The following ZNF597 variants were observed in gnomAD, a reference collection of about 807,000 sequenced individuals.
The protein encoded by ZNF597 is zinc finger protein 597.
Under a neutral mutation model 7.3 loss-of-function variants are expected in ZNF597, and 5 were observed. The observed-to-expected ratio is 0.68, with a 90% CI of 0.36 to 1.44. The LOEUF (loss-of-function observed/expected upper bound fraction) is 1.44. Among genes scored for constraint, ZNF597 ranks in the 40% most tolerant of loss-of-function variants. ZNF597 has a pLI of 0.04. For missense variants in ZNF597, 585 were observed against 517.9 expected (o/e 1.13, Z -1.26); for synonymous variants, 209 against 185.4 (o/e 1.13, Z -1.04).
rs1222317471 is a variant in ZNF597, at chr16:3,437,319, G to C, written c.380C>G (p.Thr127Ser). Reference sequence around the variant, plus strand: ...ATATTCAGAGAGTTCTACTAATGGGGTGTGGTTTTCAATGGTAACTAAAAG... The same window carrying C: ...ATATTCAGAGAGTTCTACTAATGGGCTGTGGTTTTCAATGGTAACTAAAAG... ...ISLLVTIENH[T>S]PLVELSEYLG... Residue 127 changes from threonine to serine, a missense_variant, in exon 4 of 4, where the codon ACC becomes AGC. Transcript: ENST00000301744. 6.2e-7 allele frequency: 1 copy of C among 1,614,046 alleles called. No individual in the cohort carries two copies. The highest frequency in any genetic ancestry group is 8.5e-7 in the Non-Finnish European group (1 of 1,180,030).
intron 2 of ZNF597, among the ~76,000 whole-genome samples, chr16:3,442,639 C>G (rs1018132447): frequency 6.6e-6 from 1 of 150,594 alleles, no homozygotes; most frequent in African/African-American, 2.5e-5. Context: ...CGCGCCACTG[C>G]ACTCCAGCCT....
chr16:3,443,402 C>T lies in ZNF597; in HGVS notation c.-96G>A. On this transcript the variant is annotated 5_prime_UTR_variant, in exon 1 of 4. Coordinates refer to ENST00000301744, the MANE Select transcript of ZNF597 (RefSeq NM_152457.3). ...CAGGCCTCGCGCTCCCTGACAGGAG[C>T]TGCAGAAAGCGACGCCCGACCGAGA... is the stretch of plus-strand genomic sequence containing the variant. 6 of 537,386 alleles carry T rather than the reference C, an allele frequency of 1.1e-5. No homozygotes were observed. The highest frequency in any genetic ancestry group is 6.5e-6 in the Non-Finnish European group (2 of 308,544). 33.3% of individuals were successfully genotyped at this position (537,386 alleles called of 1,614,324 possible).
At chr16:3,441,296 C>T (rs960444968) in intron 2 of ZNF597, among the ~76,000 whole-genome samples, 5 of 152,074 alleles carry the variant, frequency 3.3e-5, no homozygotes, top group African/African-American at 7.2e-5. Context: ...GCCTGTAATC[C>T]CAACACTTTG....
chr16:3,441,062 G>A, intron 2 of ZNF597, 129 bp from the exon 3 acceptor site: 1 of 1,361,558 alleles, frequency 7.3e-7, no homozygotes, highest in Non-Finnish European at 9.8e-7. Flanking sequence ...AGGTTCTTGA[G>A]CGCAGAAGTA....
chr16:3,436,736 G>A lies in ZNF597; in HGVS notation c.963C>T (p.Asp321=), dbSNP rs34461484. The A allele has an allele frequency of 3.5e-3, 5,571 of 1,614,038 alleles. 129 individuals are homozygous for A. The African/African-American group carries it at 0.056, about 16-fold the overall frequency. Residue 321 remains aspartate (D), a synonymous_variant, in exon 4 of 4, where the codon GAC becomes GAT. Coordinates refer to ENST00000301744, the MANE Select transcript of ZNF597 (RefSeq NM_152457.3). ...PALSEKSHDE[D]SERCSDDGDN... is the part of the protein sequence containing the mutation. ...CCCCATCATCGCTGCAGCGTTCAGA[G>A]TCCTCGTCGTGGCTCTTCTCGGAAA...
In ZNF597 at chr16:3,432,540, C is replaced by T. The variant is rs1432531197; in HGVS notation, c.*3884G>A. 4 of 152,144 alleles carry T rather than the reference C, an allele frequency of 2.6e-5. No homozygotes were observed. Among genetic ancestry groups the T allele is most frequent in the African/African-American group, 9.7e-5 (4 of 41,424 alleles). The allele number at this position is 152,144 out of a possible 1,614,324, so 9.4% of individuals were successfully genotyped here. On this transcript the variant is annotated 3_prime_UTR_variant, in exon 4 of 4. Coordinates refer to ENST00000301744, the MANE Select transcript of ZNF597 (RefSeq NM_152457.3). ...ACGTCAAAAAGAGTAAGACCCAAAA[C>T]ATTGAATAAACAGTATAAGTGTATA...
At chr16:3,440,759 T>C in intron 3 of ZNF597, 48 bp downstream of exon 3, 1 of 1,608,360 alleles carries the variant, frequency 6.2e-7, no homozygotes, top group Non-Finnish European at 8.5e-7. Context: ...GAAGTTCTCC[T>C]CCTAGAATTG....
In ZNF597 at chr16:3,434,422, T is replaced by G. The variant is rs1212424606; in HGVS notation, c.*2002A>C. On this transcript the variant is annotated 3_prime_UTR_variant, in exon 4 of 4. Transcript: ENST00000301744. Reference sequence around the variant, plus strand: ...ACTGGAGACTATCTTTCTACACATTTCAAAGCACCTCAGAGAAACCTGGAA... The same window carrying G: ...ACTGGAGACTATCTTTCTACACATTGCAAAGCACCTCAGAGAAACCTGGAA... 1.3e-5 allele frequency: 2 copies of G among 152,218 alleles called. No homozygotes were observed. Among genetic ancestry groups the G allele is most frequent in the Non-Finnish European group, 2.9e-5 (2 of 68,034 alleles). The allele number at this position is 152,218 out of a possible 1,614,324, so 9.4% of individuals were successfully genotyped here. A position where few individuals can be genotyped will look rare whatever the true frequency, so the allele number is the denominator to read the frequency against.
intron 1 of ZNF597, 44 bp downstream of exon 1, chr16:3,443,316 G>A (rs1286499409): frequency 4.7e-6 from 3 of 641,918 alleles, no homozygotes; most frequent in Non-Finnish European, 7.5e-6. Context: ...AACCTACGCC[G>A]ACTGCTCCTC....
chr16:3,436,126 C>A lies in ZNF597; in HGVS notation c.*298G>T. The A allele has an allele frequency of 3.3e-6, 1 of 306,028 alleles. No homozygotes were observed. The highest frequency in any genetic ancestry group is 9.1e-5 in the South Asian group (1 of 10,980). The allele number at this position is 306,028 out of a possible 1,614,324, so 19.0% of individuals were successfully genotyped here. A position where few individuals can be genotyped will look rare whatever the true frequency, so the allele number is the denominator to read the frequency against. ...AAATTAAAATAACTTTAGCAAGAGC[C>A]TTCATTTTAATGAAAATTGAATTTA... On this transcript the variant is annotated 3_prime_UTR_variant, in exon 4 of 4. Transcript: ENST00000301744.
chr16:3,440,987 T>G, intron 2 of ZNF597, 54 bp from the exon 3 acceptor site: 1 of 1,590,602 alleles, frequency 6.3e-7, no homozygotes, highest in Non-Finnish European at 8.5e-7. Context: ...AGCCCCTCAC[T>G]TAACCTAGGA....
chr16:3,442,794 G>A lies in ZNF597; in HGVS notation c.33+327C>T, dbSNP rs1013626162. Among the ~76,000 whole-genome samples, 5 of 152,168 alleles carry A rather than the reference G, an allele frequency of 3.3e-5. No homozygotes were observed. In the East Asian group the frequency reaches 9.7e-4, roughly 29 times the overall value. ...AGTTCCAGACGGAGCTATGATATCA[G>A]CACTGCACTCCAGCCAGACAAGCAA... is the stretch of plus-strand genomic sequence containing the variant. On this transcript the variant is annotated intron_variant, in intron 2 of 3. Transcript: ENST00000301744.
chr16:3,439,074 G>A (rs2034336032), intron 3 of ZNF597, among the ~76,000 whole-genome samples: 2 of 152,098 alleles, frequency 1.3e-5, no homozygotes, highest in South Asian at 2.1e-4. Context: ...CATCTACATG[G>A]GGTCCCCTTA....
rs982656116 is a variant in ZNF597 at position 3,443,456 on chromosome 16, A to G, written c.-150T>C. On this transcript the variant is annotated 5_prime_UTR_variant, in exon 1 of 4. Coordinates refer to ENST00000301744, the MANE Select transcript of ZNF597 (RefSeq NM_152457.3). ...GACGAAGAACGCCACGGCCACTGCA[A>G]AACTCCCACGCTCTCATGCTCCTTT... 5.8e-6 allele frequency: 3 copies of G among 520,604 alleles called. No homozygotes were observed. Among genetic ancestry groups the G allele is most frequent in the Non-Finnish European group, 1.0e-5 (3 of 298,442 alleles). 32.2% of individuals were successfully genotyped at this position (520,604 alleles called of 1,614,324 possible).
rs1339854422 is a variant in ZNF597 at position 3,437,531 on chromosome 16, T to C, written c.168A>G (p.Glu56=). Residue 56 remains glutamate, a synonymous_variant, in exon 4 of 4, where the codon GAA becomes GAG. Transcript: ENST00000301744. ...ACTGCTGATTAATCTCAGGCTTGCC[T>C]TCCTCTCCTGTTGATAAAAACAAAA... ...SLEDAALMGE[E]GKPEINQQLS... The C allele has an allele frequency of 1.3e-6, 2 of 1,591,308 alleles. No homozygotes were observed. Among genetic ancestry groups the C allele is most frequent in the Non-Finnish European group, 1.7e-6 (2 of 1,171,654 alleles).
chr16:3,434,968 G>T lies in ZNF597; in HGVS notation c.*1456C>A, dbSNP rs2034286291. 1 of 152,004 alleles carries T rather than the reference G, an allele frequency of 6.6e-6. No homozygotes were observed. Among genetic ancestry groups the T allele is most frequent in the Non-Finnish European group, 1.5e-5 (1 of 67,992 alleles). The allele number at this position is 152,004 out of a possible 1,614,324, so 9.4% of individuals were successfully genotyped here. ...TGAATCTATATTTACAACATTCTGT[G>T]GTTCTTTAACATTAATAACCATACC... On this transcript the variant is annotated 3_prime_UTR_variant, in exon 4 of 4. Coordinates refer to ENST00000301744, the MANE Select transcript of ZNF597 (RefSeq NM_152457.3).
At chr16:3,440,972 G>C (rs762806919) in intron 2 of ZNF597, 39 bp from the exon 3 acceptor site, 15 of 1,600,338 alleles carry the variant, frequency 9.4e-6, no homozygotes, top group Admixed American at 1.7e-5. Flanking sequence ...AGAGGGTGGA[G>C]GGTCAGCCCC....
intron 2 of ZNF597, among the ~76,000 whole-genome samples, 175 bp from the exon 3 acceptor site, chr16:3,441,108 GGAA>G (rs980423534): frequency 1.3e-5 from 2 of 152,202 alleles, no homozygotes; most frequent in African/African-American, 4.8e-5. Context: ...GTGAGGGTTG[GGAA>G]GAAGAGAGTA....
rs1269062464 is a variant in ZNF597, at chr16:3,433,187, A to G, written c.*3237T>C. 6.6e-6 allele frequency: 1 copy of G among 152,248 alleles called. No homozygotes were observed. The highest frequency in any genetic ancestry group is 1.5e-5 in the Non-Finnish European group (1 of 68,044). The allele number at this position is 152,248 out of a possible 1,614,324, so 9.4% of individuals were successfully genotyped here. A position where few individuals can be genotyped will look rare whatever the true frequency, so the allele number is the denominator to read the frequency against. ...GTGTCAATAGACTACCACCTGTAGC[A>G]ACAAAGCTCTAAATAAAACTATTCT... On this transcript the variant is annotated 3_prime_UTR_variant, in exon 4 of 4. Coordinates refer to ENST00000301744, the MANE Select transcript of ZNF597 (RefSeq NM_152457.3).
Sources: gnomAD v4.1 joint callset for allele counts (sites outside exome capture counted in the v4.1 genomes callset) on GRCh38, gnomAD v4.1.1 for gene constraint, MANE v1.5 for transcripts, NCBI Gene and HGNC (gene_info 2026-07-23, HGNC 2026-07-21) for gene names.